Variants in ASAP1 observed in about 807,000 individuals in gnomAD.
The protein encoded by ASAP1 is ArfGAP with SH3 domain, ankyrin repeat and PH domain 1, also known as arf-GAP with SH3 domain, ANK repeat and PH domain-containing protein 1.
Under a neutral mutation model 145.2 loss-of-function variants are expected in ASAP1, and 43 were observed. That is an observed-to-expected ratio of 0.30 (90% CI 0.23 to 0.38). ASAP1 has a LOEUF of 0.38. Among genes scored for constraint, ASAP1 ranks in the 10% least tolerant of loss-of-function variants. ASAP1 has a pLI of 1.00. For synonymous variants in ASAP1, 546 were observed against 515.5 expected, an observed-to-expected ratio of 1.06 and a Z score of -0.80; for missense variants, 1,018 against 1,355.3, an observed-to-expected ratio of 0.75 and a Z score of 3.91.
At chr8:130,384,325 G>A (rs147001991) in intron 2 of ASAP1, among the ~76,000 whole-genome samples, 104 of 152,298 alleles carry the variant, frequency 6.8e-4, no homozygotes, top group African/African-American at 2.4e-3. Flanking sequence ...CATCAAAGCT[G>A]TCATTGCTAT....
At chr8:130,308,793 C>T (rs924903881) in intron 3 of ASAP1, among the ~76,000 whole-genome samples, 1 of 152,050 alleles carries the variant, frequency 6.6e-6, no homozygotes, top group Non-Finnish European at 1.5e-5. Context: ...TGTAATCCCA[C>T]CACTTTGGGA....
intron 5 of ASAP1, among the ~76,000 whole-genome samples, chr8:130,196,096 C>T (rs573203020): frequency 1.3e-5 from 2 of 152,316 alleles, no homozygotes; most frequent in Admixed American, 1.3e-4. Flanking sequence ...AATCCGAGCA[C>T]GCTGGAAGGC....
At chr8:130,149,137 G>A (rs1313754168) in intron 13 of ASAP1, among the ~76,000 whole-genome samples, 2 of 149,630 alleles carry the variant, frequency 1.3e-5, no homozygotes, top group African/African-American at 4.9e-5. Context: ...TTACAGGCAT[G>A]AGCCACCGCG....
At chr8:130,313,369 A>G (rs1333623306) in intron 3 of ASAP1, among the ~76,000 whole-genome samples, 2 of 152,120 alleles carry the variant, frequency 1.3e-5, no homozygotes, top group African/African-American at 4.8e-5. Flanking sequence ...TCTCACTCTC[A>G]ATGAGATCAC....
chr8:130,355,879 A>C (rs1234978558), intron 3 of ASAP1, among the ~76,000 whole-genome samples: 2 of 152,170 alleles, frequency 1.3e-5, no homozygotes, highest in Non-Finnish European at 2.9e-5. Context: ...TTCCTGGCCA[A>C]TACCTTCCTC....
intron 12 of ASAP1, among the ~76,000 whole-genome samples, chr8:130,155,006 A>G (rs563040714): frequency 6.6e-6 from 1 of 152,314 alleles, no homozygotes; most frequent in Non-Finnish European, 1.5e-5. Context: ...CTCTCACAAG[A>G]GCCTGCTAAC....
intron 3 of ASAP1, among the ~76,000 whole-genome samples, chr8:130,275,678 G>A (rs553695534): frequency 8.6e-5 from 13 of 151,132 alleles, no homozygotes; most frequent in Admixed American, 5.3e-4. Context: ...TTAGAGAAAC[G>A]TAAGCATTTT....
chr8:130,179,452 C>G, intron 8 of ASAP1, 103 bp from the exon 9 acceptor site: 1 of 693,884 alleles, frequency 1.4e-6, no homozygotes. Flanking sequence ...CACAAGTTAC[C>G]AAGCCTTGGT....
At chr8:130,262,808 A>G (rs1234496284) in intron 3 of ASAP1, among the ~76,000 whole-genome samples, 1 of 152,226 alleles carries the variant, frequency 6.6e-6, no homozygotes, top group East Asian at 1.9e-4. Flanking sequence ...AAGCATAAAC[A>G]CAAAAGCCTG....
intron 2 of ASAP1, among the ~76,000 whole-genome samples, chr8:130,401,044 C>T (rs1372547023): frequency 1.3e-5 from 2 of 151,582 alleles, no homozygotes; most frequent in East Asian, 3.9e-4. Flanking sequence ...CCACACCCGG[C>T]TAATTTTTTG....
intron 24 of ASAP1, among the ~76,000 whole-genome samples, chr8:130,107,642 G>A (rs2097539707): frequency 6.6e-6 from 1 of 151,870 alleles, no homozygotes; most frequent in Non-Finnish European, 1.5e-5. Context: ...CTGCCTCCTG[G>A]GTTCAAGCAA....
At chr8:130,097,898 G>C (rs2097522002) in intron 24 of ASAP1, among the ~76,000 whole-genome samples, 1 of 152,018 alleles carries the variant, frequency 6.6e-6, no homozygotes, top group South Asian at 2.1e-4. Context: ...ACTTAGCCCA[G>C]AAAAAATGTC....
chr8:130,265,065 A>T (rs1386508310), intron 3 of ASAP1, among the ~76,000 whole-genome samples: 1 of 152,222 alleles, frequency 6.6e-6, no homozygotes, highest in Non-Finnish European at 1.5e-5. Context: ...AACTGAGCCA[A>T]GGATGTGGCC....
At position 130,118,551 on chromosome 8, in the gene ASAP1, C is replaced by T; in HGVS notation, c.1732G>A (p.Ala578Thr). The T allele has an allele frequency of 1.9e-6, 3 of 1,614,120 alleles. No homozygotes were observed. Among genetic ancestry groups the T allele is most frequent in the Non-Finnish European group, 2.5e-6 (3 of 1,180,012 alleles). The stretch of plus-strand genomic sequence containing the variant: ...CCTTCTGCATAGACTTGAATTAGTG[C>T]AAGTAAATCCCTGGATTTGATGGCC... ...LEAIKSRDLL[A>T]LIQVYAEGVE... The change falls in exon 19 of 30, where the codon GCA becomes ACA. Residue 578 changes from alanine to threonine, a missense_variant. This residue lies in a region of ASAP1 where 353 missense variants were observed against 375.4 expected (regional missense o/e 0.94). Coordinates refer to ENST00000518721, the MANE Select transcript of ASAP1 (RefSeq NM_018482.4).
chr8:130,264,216 A>C (rs1006715758), intron 3 of ASAP1, among the ~76,000 whole-genome samples: 2 of 152,226 alleles, frequency 1.3e-5, no homozygotes, highest in African/African-American at 4.8e-5. Flanking sequence ...ATGCTAGCTA[A>C]ACAACGGAGG....
chr8:130,086,251 G>A (rs1242683904), intron 25 of ASAP1, among the ~76,000 whole-genome samples: 2 of 152,172 alleles, frequency 1.3e-5, no homozygotes, highest in Admixed American at 6.5e-5. Flanking sequence ...TGGCCCCCAC[G>A]TACTAGCTGT....
chr8:130,362,378 A>C (rs1826760129), intron 2 of ASAP1, among the ~76,000 whole-genome samples: 1 of 152,222 alleles, frequency 6.6e-6, no homozygotes, highest in Admixed American at 6.5e-5. Context: ...TAAAGTGGGA[A>C]GGGAACACAC....
At chr8:130,300,884 C>T (rs888950177) in intron 3 of ASAP1, among the ~76,000 whole-genome samples, 2 of 152,156 alleles carry the variant, frequency 1.3e-5, no homozygotes, top group African/African-American at 4.8e-5. Context: ...ACATCTGTCA[C>T]AATGATGATT....
chr8:130,092,521 G>A (rs751636863), intron 24 of ASAP1, among the ~76,000 whole-genome samples: 4 of 152,102 alleles, frequency 2.6e-5, no homozygotes, highest in Non-Finnish European at 5.9e-5. Context: ...CAGCTACTTG[G>A]AAGACTGAGG....
Sources: gnomAD v4.1 joint callset for allele counts (sites outside exome capture counted in the v4.1 genomes callset) on GRCh38, gnomAD v4.1.1 for gene constraint, gnomAD v4.1.1 regional missense constraint, MANE v1.5 for transcripts, NCBI Gene and HGNC (gene_info 2026-07-23, HGNC 2026-07-21) for gene names.